Variants in KIRREL3 observed in about 807,000 individuals in gnomAD.
KIRREL3 encodes the protein kin of IRRE-like protein 3.
KIRREL3 carries 36 observed loss-of-function variants against 89.7 expected under a neutral mutation model. That is an observed-to-expected ratio of 0.40 (90% CI 0.31 to 0.53). The LOEUF is 0.53. Ranked by LOEUF, KIRREL3 falls within the 20% of genes least tolerant of loss-of-function variation. The pLI is 0.49. For missense variants in KIRREL3, 864 were observed against 1,056.6 expected (o/e 0.82, Z 2.53); for synonymous variants, 445 against 441.4 (o/e 1.01, Z -0.10).
intron 1 of KIRREL3, among the ~76,000 whole-genome samples, chr11:126,980,023 A>C (rs879850445): frequency 6.6e-6 from 1 of 152,242 alleles, no homozygotes; most frequent in Non-Finnish European, 1.5e-5. Flanking sequence ...AGAACTGAAC[A>C]CATGAAAGGA....
chr11:126,634,690 T>A (rs1465831088), intron 1 of KIRREL3, among the ~76,000 whole-genome samples: 2 of 152,128 alleles, frequency 1.3e-5, no homozygotes, highest in African/African-American at 4.8e-5. Flanking sequence ...TGGCAAAGAG[T>A]GCATCGGGTG....
chr11:126,680,621 T>G (rs1474131099), intron 1 of KIRREL3, among the ~76,000 whole-genome samples: 2 of 152,116 alleles, frequency 1.3e-5, no homozygotes, highest in African/African-American at 4.8e-5. Flanking sequence ...GAAGATTAAC[T>G]TATCTGGAGT....
In KIRREL3 at chr11:126,903,771, T is replaced by C. The variant is rs952931190; in HGVS notation, c.55+96684A>G. Among the ~76,000 whole-genome samples, 13 of 152,152 alleles carry C rather than the reference T, an allele frequency of 8.5e-5. No individual in the cohort carries two copies. The highest frequency in any genetic ancestry group is 7.9e-4 in the Admixed American group (12 of 15,282). ...TCACCTTAATAGGTCAACATAACAA[T>C]GGATGTTGCTGGTGGAAAAAATAAG... On this transcript the variant is annotated intron_variant, in intron 1 of 16. Transcript: ENST00000525144. This position sits in a 1 kb window ranked among gnomAD's most constrained non-coding sequence, Gnocchi z 4.5.
Position 126,541,489 on chromosome 11 carries a change from C to G in KIRREL3, c.134-14802G>C, listed in dbSNP as rs896205677. Among the ~76,000 whole-genome samples, 1 of 152,098 alleles carries G rather than the reference C, an allele frequency of 6.6e-6. No homozygotes were observed. Among genetic ancestry groups the G allele is most frequent in the Non-Finnish European group, 1.5e-5 (1 of 68,026 alleles). On this transcript the variant is annotated intron_variant, in intron 2 of 16. Transcript: ENST00000525144. This position sits in a 1 kb window ranked among gnomAD's most constrained non-coding sequence, Gnocchi z 4.8. ...TCAAGGACACTTGGCCTTTTGGGGGCTCAGATCTATATCCTAAACATTAAA... is the reference window on the plus strand; with the variant it reads ...TCAAGGACACTTGGCCTTTTGGGGGGTCAGATCTATATCCTAAACATTAAA...
chr11:126,687,678 C>T lies in KIRREL3; in HGVS notation c.56-124766G>A, dbSNP rs1160699772. Among the ~76,000 whole-genome samples the T allele has an allele frequency of 6.6e-6, 1 of 152,230 alleles. No individual in the cohort carries two copies. The highest frequency in any genetic ancestry group is 1.5e-5 in the Non-Finnish European group (1 of 68,050). On this transcript the variant is annotated intron_variant, in intron 1 of 16. Transcript: ENST00000525144. The surrounding 1 kb of genome is among the most constrained non-coding windows in gnomAD (Gnocchi z 4.6). Reference sequence around the variant, plus strand: ...CTTCATTCAACAAATTTACATTGCACTCTCCTACATGCCAGGCATTGTTTT... The same window carrying T: ...CTTCATTCAACAAATTTACATTGCATTCTCCTACATGCCAGGCATTGTTTT...
rs141415850 is a variant in KIRREL3 at position 126,555,422 on chromosome 11, C to T, written c.133+7413G>A. Among the ~76,000 whole-genome samples, 298 of 152,268 alleles carry T rather than the reference C, an allele frequency of 2.0e-3. No homozygotes were observed. Among genetic ancestry groups the T allele is most frequent in the African/African-American group, 6.8e-3 (281 of 41,544 alleles). ...CTCTGAAAGGAAGGATCTGGTTCTA[C>T]GGGAGCATGTGACACAGGAACTGGA... On this transcript the variant is annotated intron_variant, in intron 2 of 16. Coordinates refer to ENST00000525144, the MANE Select transcript of KIRREL3 (RefSeq NM_032531.4). The surrounding 1 kb of genome is among the most constrained non-coding windows in gnomAD (Gnocchi z 4.2).
chr11:126,431,333 C>T lies in KIRREL3; in HGVS notation c.1696+86G>A, dbSNP rs781580025. The T allele has an allele frequency of 5.1e-6, 8 of 1,567,286 alleles. No individual in the cohort carries two copies. The highest frequency in any genetic ancestry group is 4.8e-5 in the East Asian group (2 of 41,972). ...ACTGTTAGGACCCCTGTTCATTGCA[C>T]TCCTGCTTACTTGCTCTCCGGGGCA... On this transcript the variant is annotated intron_variant, in intron 14 of 16. Transcript: ENST00000525144. This position sits in a 1 kb window ranked among gnomAD's most constrained non-coding sequence, Gnocchi z 7.1.
Position 126,943,203 on chromosome 11 carries a change from G to T in KIRREL3, c.55+57252C>A, listed in dbSNP as rs58655401. Among the ~76,000 whole-genome samples, 97 of 152,274 alleles carry T rather than the reference G, an allele frequency of 6.4e-4. 1 individual carries two copies. The East Asian group carries it at 0.015, about 24-fold the overall frequency. ...CTTTGGGGTCTCAGGATTGGCTTTT[G>T]AGGTGTTTCTGGGCCTTAAGCAGCT... is the stretch of plus-strand genomic sequence containing the variant. On this transcript the variant is annotated intron_variant, in intron 1 of 16. Transcript: ENST00000525144. This position sits in a 1 kb window ranked among gnomAD's most constrained non-coding sequence, Gnocchi z 4.2.
chr11:126,960,858 C>T (rs561089676), intron 1 of KIRREL3, among the ~76,000 whole-genome samples: 53 of 152,248 alleles, frequency 3.5e-4, no homozygotes, highest in African/African-American at 1.2e-3. Flanking sequence ...TCTATTGGAA[C>T]CATTTTTCCA....
At chr11:126,435,582 G>A (rs1022628232) in intron 12 of KIRREL3, among the ~76,000 whole-genome samples, 2 of 151,986 alleles carry the variant, frequency 1.3e-5, no homozygotes, top group Non-Finnish European at 2.9e-5. Context: ...GGGGATGGGG[G>A]CACCAAGGGG....
intron 4 of KIRREL3, among the ~76,000 whole-genome samples, chr11:126,517,527 AG>A (rs369894272): frequency 8.5e-5 from 13 of 152,160 alleles, no homozygotes; most frequent in African/African-American, 2.9e-4. Flanking sequence ...AGGGAGGACC[AG>A]GGTTTGAGGT....
chr11:126,461,085 G>A (rs1956524269), intron 6 of KIRREL3, among the ~76,000 whole-genome samples: 1 of 152,222 alleles, frequency 6.6e-6, no homozygotes, highest in Non-Finnish European at 1.5e-5. Context: ...GCCAGTCCTC[G>A]GGCAAGAAGG....
Position 126,965,567 on chromosome 11 carries a change from C to T in KIRREL3, c.55+34888G>A, listed in dbSNP as rs374682585. 4.6e-5 allele frequency among the ~76,000 whole-genome samples: 7 copies of T among 152,260 alleles called. 1 individual carries two copies. In the East Asian group the frequency reaches 1.2e-3, roughly 25 times the overall value. ...CGTGCGTCATTGCCATTTGAATTCACGGATCCAGTGATCCCTGCTTTTGCA... is the reference window on the plus strand; with the variant it reads ...CGTGCGTCATTGCCATTTGAATTCATGGATCCAGTGATCCCTGCTTTTGCA... On this transcript the variant is annotated intron_variant, in intron 1 of 16. Transcript: ENST00000525144. This position sits in a 1 kb window ranked among gnomAD's most constrained non-coding sequence, Gnocchi z 4.4.
chr11:126,446,026 T>C (rs975018537), intron 9 of KIRREL3, among the ~76,000 whole-genome samples: 4 of 151,546 alleles, frequency 2.6e-5, no homozygotes, highest in African/African-American at 9.7e-5. Flanking sequence ...CCCATACCCA[T>C]AGTCCCAGCT....
intron 1 of KIRREL3, among the ~76,000 whole-genome samples, chr11:126,959,280 G>C (rs1949013329): frequency 6.6e-6 from 1 of 151,652 alleles, no homozygotes; most frequent in Admixed American, 6.6e-5. Flanking sequence ...ATCTATCTGT[G>C]TATCTATCTA....
chr11:126,570,209 A>G lies in KIRREL3; in HGVS notation c.56-7297T>C, dbSNP rs1004227459. Among the ~76,000 whole-genome samples, 3 of 152,196 alleles carry G rather than the reference A, an allele frequency of 2.0e-5. No individual in the cohort carries two copies. The highest frequency in any genetic ancestry group is 7.2e-5 in the African/African-American group (3 of 41,446). On this transcript the variant is annotated intron_variant, in intron 1 of 16. Transcript: ENST00000525144. The surrounding 1 kb of genome is among the most constrained non-coding windows in gnomAD (Gnocchi z 6.1). ...CTAATTCTAAGTTTACTAAATAACT[A>G]TAAACTTTACGTTGTTGTAAAGACA...
At position 126,614,986 on chromosome 11, in the gene KIRREL3, G is replaced by T. The variant is rs961323318; in HGVS notation, c.56-52074C>A. On this transcript the variant is annotated intron_variant, in intron 1 of 16. Coordinates refer to ENST00000525144, the MANE Select transcript of KIRREL3 (RefSeq NM_032531.4). The surrounding 1 kb of genome is among the most constrained non-coding windows in gnomAD (Gnocchi z 4.6). ...AACTGGGACTGTTTAGCCTAGAAAAGGGGGGACTTGGGGAGAGGCGTGATT... is the reference window on the plus strand; with the variant it reads ...AACTGGGACTGTTTAGCCTAGAAAATGGGGGACTTGGGGAGAGGCGTGATT... 6.6e-6 allele frequency among the ~76,000 whole-genome samples: 1 copy of T among 152,120 alleles called. No homozygotes were observed. The highest frequency in any genetic ancestry group is 2.4e-5 in the African/African-American group (1 of 41,406).
chr11:126,488,963 G>T (rs1957438463), intron 4 of KIRREL3, among the ~76,000 whole-genome samples: 1 of 152,210 alleles, frequency 6.6e-6, no homozygotes, highest in Non-Finnish European at 1.5e-5. Context: ...CCCTGGATCT[G>T]TGGCTCTCTC....
chr11:126,907,220 T>C (rs1215203962), intron 1 of KIRREL3, among the ~76,000 whole-genome samples: 1 of 152,156 alleles, frequency 6.6e-6, no homozygotes, highest in African/African-American at 2.4e-5. Context: ...ATAAGGTGAG[T>C]GAACCCGAGC....
Sources: gnomAD v4.1 joint callset for allele counts (sites outside exome capture counted in the v4.1 genomes callset) on GRCh38, gnomAD v4.1.1 for gene constraint, Gnocchi (gnomAD v3.1) non-coding constraint, MANE v1.5 for transcripts, NCBI Gene and HGNC (gene_info 2026-07-23, HGNC 2026-07-21) for gene names.